ANKFN1: variants seen among roughly 807,000 people sequenced by gnomAD.
ANKFN1 encodes the protein ankyrin repeat and fibronectin type III domain containing 1.
Under a neutral mutation model 108.7 loss-of-function variants are expected in ANKFN1, and 74 were observed. That is an observed-to-expected ratio of 0.68 (90% confidence interval 0.56 to 0.83). ANKFN1 has a LOEUF of 0.83. Among genes scored for constraint, ANKFN1 ranks in the 40% least tolerant of loss-of-function variants. ANKFN1 has a pLI of 0.00. For synonymous variants in ANKFN1, 547 were observed against 516.2 expected (o/e 1.06, Z -0.81); for missense variants, 1,505 against 1,382.3 (o/e 1.09, Z -1.41).
chr17:56,314,164 G>A (rs975119885), intron 3 of ANKFN1, among the ~76,000 whole-genome samples: 1 of 152,238 alleles, frequency 6.6e-6, no homozygotes, highest in East Asian at 1.9e-4. Flanking sequence ...ACCACAATTT[G>A]TTTAGCTATT....
intron 4 of ANKFN1, among the ~76,000 whole-genome samples, chr17:56,104,029 T>C (rs893211430): frequency 2.6e-5 from 4 of 152,210 alleles, no homozygotes; most frequent in Non-Finnish European, 5.9e-5. Flanking sequence ...CAATATAAAA[T>C]AGGACTATGA....
intron 18 of ANKFN1, among the ~76,000 whole-genome samples, chr17:56,482,857 C>T (rs911712291): frequency 1.3e-5 from 2 of 152,062 alleles, no homozygotes; most frequent in African/African-American, 4.8e-5. Flanking sequence ...AGCACTGCCC[C>T]TTCTCTCTCT....
At chr17:56,210,475 T>A (rs1914900275) in intron 1 of ANKFN1, among the ~76,000 whole-genome samples, 1 of 152,240 alleles carries the variant, frequency 6.6e-6, no homozygotes, top group South Asian at 2.1e-4. Context: ...TGATTTACAT[T>A]TCCCTGATAA....
At chr17:56,508,916 T>C (rs34981222) in intron 20 of ANKFN1, among the ~76,000 whole-genome samples, 14,998 of 152,196 alleles carry the variant, frequency 0.099, 781 homozygotes, top group South Asian at 0.17. Context: ...TATAGAATCT[T>C]CATTGTGAAT....
At chr17:56,419,933 A>G (rs2048351589) in intron 8 of ANKFN1, among the ~76,000 whole-genome samples, 1 of 152,222 alleles carries the variant, frequency 6.6e-6, no homozygotes, top group Non-Finnish European at 1.5e-5. Context: ...ACATGGGTCC[A>G]TAGTCCTAAA....
intron 16 of ANKFN1, 64 bp from the exon 17 acceptor site, chr17:56,480,604 A>C: frequency 1.3e-6 from 2 of 1,548,920 alleles, no homozygotes; most frequent in South Asian, 1.2e-5. Flanking sequence ...ATACACTAAG[A>C]AAGTTCTGAG....
chr17:56,091,418 TCACACA>T (rs34588908), intron 4 of ANKFN1, among the ~76,000 whole-genome samples: 3,856 of 136,872 alleles, frequency 0.028, 169 homozygotes, highest in East Asian at 0.16. Flanking sequence ...TCCAAACAAA[TCACACA>T]CACACACACA....
intron 1 of ANKFN1, among the ~76,000 whole-genome samples, chr17:56,198,943 C>CT (rs1480358811): frequency 9.2e-5 from 14 of 152,134 alleles, no homozygotes; most frequent in Admixed American, 9.2e-4. Flanking sequence ...TTATTTAGCT[C>CT]TTCTTGGTAA....
intron 3 of ANKFN1, among the ~76,000 whole-genome samples, chr17:56,300,288 A>T (rs2044635903): frequency 6.6e-6 from 1 of 152,200 alleles, no homozygotes; most frequent in Non-Finnish European, 1.5e-5. Context: ...AGGACTCTAG[A>T]TGTCGCTCGA....
intron 1 of ANKFN1, among the ~76,000 whole-genome samples, chr17:56,158,313 TC>T (rs1302081321): frequency 2.0e-5 from 3 of 152,122 alleles, no homozygotes; most frequent in Non-Finnish European, 4.4e-5. Context: ...CATGGGCTCA[TC>T]CTCCCAACCC....
At chr17:56,203,710 T>C (rs1914254495) in intron 1 of ANKFN1, among the ~76,000 whole-genome samples, 1 of 152,206 alleles carries the variant, frequency 6.6e-6, no homozygotes, top group Non-Finnish European at 1.5e-5. Context: ...TTCATTCATG[T>C]ACAAACGAGT....
At chr17:56,218,062 C>A (rs776406674) in intron 2 of ANKFN1, among the ~76,000 whole-genome samples, 2 of 152,160 alleles carry the variant, frequency 1.3e-5, no homozygotes, top group Non-Finnish European at 2.9e-5. Context: ...ACAAAATCTT[C>A]TCTCATATTG....
At position 56,513,709 on chromosome 17, in the gene ANKFN1, T is replaced by G. The variant is rs1228024431; in HGVS notation, c.*2440T>G. 6.6e-6 allele frequency among the ~76,000 whole-genome samples: 1 copy of G among 152,202 alleles called. No homozygotes were observed. Among genetic ancestry groups the G allele is most frequent in the Non-Finnish European group, 1.5e-5 (1 of 68,040 alleles). On this transcript the variant is annotated 3_prime_UTR_variant, in exon 21 of 21. Transcript: ENST00000682825. ...CTGCATTAATTTTAAACCTGCTATT[T>G]TATATTGGGGACATAAGGTTACTTT...
intron 7 of ANKFN1, among the ~76,000 whole-genome samples, chr17:56,374,253 A>G (rs1257721833): frequency 6.6e-6 from 1 of 152,212 alleles, no homozygotes; most frequent in Admixed American, 6.5e-5. Flanking sequence ...GATGTACTTT[A>G]TAAAACGTAA....
chr17:56,317,935 A>T (rs1209542979), intron 3 of ANKFN1, among the ~76,000 whole-genome samples: 1 of 152,176 alleles, frequency 6.6e-6, no homozygotes, highest in Non-Finnish European at 1.5e-5. Flanking sequence ...GAGACACGAT[A>T]CACATTGTCT....
chr17:56,214,366 G>A (rs1915269413), intron 2 of ANKFN1, among the ~76,000 whole-genome samples: 1 of 152,132 alleles, frequency 6.6e-6, no homozygotes, highest in Admixed American at 6.5e-5. Flanking sequence ...TTCGCAGAGG[G>A]GCTGCTGCCT....
Position 56,353,937 on chromosome 17 carries a change from C to G in ANKFN1, c.492C>G (p.Leu164=), listed in dbSNP as rs1334999983. ...AGTACACACCAGAAGAACTTGACCT[C>G]AACACACCTAACAGCGAGGGCTTGA... ...LYQYTPEELD[L]NTPNSEGLTP... Residue 164 remains leucine, a synonymous_variant, in exon 6 of 21, where the codon CTC becomes CTG. Transcript: ENST00000682825. 3.1e-6 allele frequency: 5 copies of G among 1,613,912 alleles called. No homozygotes were observed. The highest frequency in any genetic ancestry group is 1.1e-5 in the South Asian group (1 of 91,088).
intron 4 of ANKFN1, among the ~76,000 whole-genome samples, chr17:56,350,342 G>C (rs2046213452): frequency 6.6e-6 from 1 of 152,116 alleles, no homozygotes. Context: ...ATACCCAACA[G>C]AAGCCAACAT....
At chr17:56,362,488 A>G (rs2046547930) in intron 6 of ANKFN1, among the ~76,000 whole-genome samples, 1 of 152,238 alleles carries the variant, frequency 6.6e-6, no homozygotes, top group South Asian at 2.1e-4. Flanking sequence ...TACCAAAAAC[A>G]TACAATGGAA....
Sources: allele counts gnomAD v4.1 joint callset (sites outside exome capture counted in the v4.1 genomes callset), GRCh38; gene constraint gnomAD v4.1.1; transcripts MANE v1.5; gene names NCBI Gene and HGNC (gene_info 2026-07-23, HGNC 2026-07-21).